Variants in RPS6KA2 observed in about 807,000 individuals in gnomAD.
The protein encoded by RPS6KA2 is ribosomal protein S6 kinase alpha-2.
Under a neutral mutation model 91.8 loss-of-function variants are expected in RPS6KA2, and 42 were observed. The observed-to-expected ratio is 0.46, with a 90% CI of 0.36 to 0.59. RPS6KA2 has a LOEUF of 0.59. Among genes scored for constraint, RPS6KA2 ranks in the 20% least tolerant of loss-of-function variants. The pLI is 0.00. For missense variants in RPS6KA2, 798 were observed against 978.5 expected (o/e 0.82, Z 2.46); for synonymous variants, 414 against 393.6 (o/e 1.05, Z -0.61).
At chr6:166,588,532 G>T (rs1328044967) in intron 1 of RPS6KA2, among the ~76,000 whole-genome samples, 3 of 152,134 alleles carry the variant, frequency 2.0e-5, no homozygotes, top group Admixed American at 6.6e-5. Flanking sequence ...GCAGCACGTC[G>T]CTGAGACACC....
chr6:166,419,889 G>A lies in RPS6KA2; in HGVS notation c.1813C>T (p.Leu605=). 6.2e-7 allele frequency: 1 copy of A among 1,613,526 alleles called. No homozygotes were observed. Among genetic ancestry groups the A allele is most frequent in the Non-Finnish European group, 8.5e-7 (1 of 1,179,552 alleles). ...WSLGILLYTM[L]AGFTPFANGP... The stretch of plus-strand genomic sequence containing the variant: ...TTTGAGGTGACTGCTTACCCTGCCA[G>A]CATGGTGTACAACAGGATCCCCAAA... Residue 605 remains leucine, a synonymous_variant, in exon 18 of 21, where the codon CTG becomes TTG. Transcript: ENST00000265678. This position sits in a 1 kb window ranked among gnomAD's most constrained non-coding sequence, Gnocchi z 5.6.
At chr6:166,695,583 C>T (rs1789331860) in intron 2 of RPS6KA2, among the ~76,000 whole-genome samples, 2 of 152,222 alleles carry the variant, frequency 1.3e-5, no homozygotes, top group Middle Eastern at 3.2e-3. Context: ...AACCAGGCCG[C>T]ACAGCAGGAG....
chr6:166,495,332 T>G lies in RPS6KA2; in HGVS notation c.747+3176A>C, dbSNP rs6932001. Among the ~76,000 whole-genome samples, 23,766 of 152,030 alleles carry G rather than the reference T, an allele frequency of 0.16. 2,560 individuals carry two copies. Among genetic ancestry groups the G allele is most frequent in the African/African-American group, 0.3 (12,332 of 41,414 alleles). The stretch of plus-strand genomic sequence containing the variant: ...ACAGCAGTTCTGGAGCCGGACCCCT[T>G]CCCCAGCTGTCACGAGACATTGAAT... On this transcript the variant is annotated intron_variant, in intron 8 of 20. Coordinates refer to ENST00000265678, the MANE Select transcript of RPS6KA2 (RefSeq NM_021135.6). This position sits in a 1 kb window ranked among gnomAD's most constrained non-coding sequence, Gnocchi z 4.4.
At chr6:166,507,704 C>A (rs1033231559) in intron 5 of RPS6KA2, among the ~76,000 whole-genome samples, 3 of 150,152 alleles carry the variant, frequency 2.0e-5, no homozygotes, top group Non-Finnish European at 4.4e-5. Context: ...ATACACATAG[C>A]ACACACACCA....
intron 3 of RPS6KA2, among the ~76,000 whole-genome samples, chr6:166,516,583 G>A (rs1391942364): frequency 1.3e-5 from 2 of 152,252 alleles, no homozygotes; most frequent in Non-Finnish European, 2.9e-5. Context: ...ACATCACACA[G>A]CCAACGGGGC....
chr6:166,628,597 T>C (rs1190112506), upstream of RPS6KA2, among the ~76,000 whole-genome samples: 1 of 152,250 alleles, frequency 6.6e-6, no homozygotes, highest in Non-Finnish European at 1.5e-5. Flanking sequence ...TCAGATAGGC[T>C]CTCTGGGTTT....
intron 12 of RPS6KA2, among the ~76,000 whole-genome samples, chr6:166,457,084 A>C (rs1780128904): frequency 6.6e-6 from 1 of 152,228 alleles, no homozygotes; most frequent in Admixed American, 6.5e-5. Context: ...AGCAGCACAA[A>C]CATAGACTTT....
intron 1 of RPS6KA2, among the ~76,000 whole-genome samples, chr6:166,621,874 C>T (rs967742830): frequency 1.2e-4 from 19 of 152,158 alleles, no homozygotes; most frequent in Admixed American, 7.9e-4. Flanking sequence ...TCTTTCCTCC[C>T]CTTCCCCTTC....
chr6:166,582,081 G>A, intron 1 of RPS6KA2, among the ~76,000 whole-genome samples: 1 of 138,786 alleles, frequency 7.2e-6, no homozygotes, highest in Non-Finnish European at 1.6e-5. Flanking sequence ...AGATGGGGTG[G>A]GACGCCCACT....
At chr6:166,701,422 A>T in intron 2 of RPS6KA2, 1 of 1,254,490 alleles carries the variant, frequency 8.0e-7, no homozygotes, top group Non-Finnish European at 1.2e-6. Flanking sequence ...TTTTTCCATA[A>T]TTCTTCCCTG....
chr6:166,694,509 G>A (rs1038814400), intron 2 of RPS6KA2, among the ~76,000 whole-genome samples: 1 of 152,224 alleles, frequency 6.6e-6, no homozygotes, highest in Non-Finnish European at 1.5e-5. Context: ...CTGAAACTGC[G>A]AAGAACAAAG....
At chr6:166,710,708 T>C (rs952729522) in intron 2 of RPS6KA2, among the ~76,000 whole-genome samples, 11 of 152,184 alleles carry the variant, frequency 7.2e-5, no homozygotes, top group Non-Finnish European at 1.2e-4. Context: ...CCCTGGACAC[T>C]TCCTGGAAGA....
intron 2 of RPS6KA2, among the ~76,000 whole-genome samples, chr6:166,738,614 C>A (rs933542904): frequency 4.6e-5 from 7 of 152,180 alleles, no homozygotes; most frequent in African/African-American, 1.7e-4. Context: ...ATTTAACTGT[C>A]CCCATGGCCC....
rs2128589312 is a variant in RPS6KA2 at position 166,732,021 on chromosome 6, TTAG to T, written c.123+126176_123+126178del. Among the ~76,000 whole-genome samples, 1 of 152,314 alleles carries T rather than the reference TTAG, an allele frequency of 6.6e-6. No homozygotes were observed. Among genetic ancestry groups the T allele is most frequent in the African/African-American group, 2.4e-5 (1 of 41,560 alleles). On this transcript the variant is annotated intron_variant, in intron 2 of 21. Transcript: ENST00000503859. This position sits in a 1 kb window ranked among gnomAD's most constrained non-coding sequence, Gnocchi z 4.0. ...GGAAAGGCCTCATAGAAATTTTTTA[TTAG>T]TGGTGGCTACTGAGGAGACGGGAAG...
intron 2 of RPS6KA2, among the ~76,000 whole-genome samples, chr6:166,816,863 T>C (rs766927500): frequency 2.6e-5 from 4 of 152,148 alleles, no homozygotes; most frequent in Non-Finnish European, 1.5e-5. Context: ...CAACAGGTAG[T>C]GCTCCACAGA....
Position 166,409,470 on chromosome 6 carries a change from C to T in RPS6KA2, c.*3292G>A, listed in dbSNP as rs1376125595. The T allele has an allele frequency of 6.6e-6, 1 of 152,404 alleles. No individual in the cohort carries two copies. The highest frequency in any genetic ancestry group is 1.5e-5 in the Non-Finnish European group (1 of 68,046). 9.4% of individuals were successfully genotyped at this position (152,404 alleles called of 1,614,324 possible). On this transcript the variant is annotated 3_prime_UTR_variant, in exon 21 of 21. Coordinates refer to ENST00000265678, the MANE Select transcript of RPS6KA2 (RefSeq NM_021135.6). ...AATAAATATCTGTACAGTGGCCACC[C>T]ATCTCAAACATGAATTACAAAGCAG...
intron 2 of RPS6KA2, among the ~76,000 whole-genome samples, chr6:166,839,695 G>C (rs1484243742): frequency 5.3e-5 from 6 of 112,790 alleles, no homozygotes; most frequent in African/African-American, 1.7e-4. Flanking sequence ...GAGGAGAGGG[G>C]AGGAGAGGAG....
chr6:166,819,240 GTTTAT>G (rs1437919156), intron 2 of RPS6KA2, among the ~76,000 whole-genome samples: 1 of 151,948 alleles, frequency 6.6e-6, no homozygotes, highest in African/African-American at 2.4e-5. Flanking sequence ...TTTTTTGTTT[GTTTAT>G]TTTGTTTTGT....
chr6:166,798,024 G>T (rs571208434), intron 2 of RPS6KA2, among the ~76,000 whole-genome samples: 1 of 152,160 alleles, frequency 6.6e-6, no homozygotes, highest in Non-Finnish European at 1.5e-5. Flanking sequence ...CCGAATCATC[G>T]ATGTCACTAC....
Sources: gnomAD v4.1 joint callset for allele counts (sites outside exome capture counted in the v4.1 genomes callset) on GRCh38, gnomAD v4.1.1 for gene constraint, Gnocchi (gnomAD v3.1) non-coding constraint, MANE v1.5 for transcripts, NCBI Gene and HGNC (gene_info 2026-07-23, HGNC 2026-07-21) for gene names.